The following PDE3A variants were observed in gnomAD, a reference collection of about 807,000 sequenced individuals.
PDE3A encodes cGMP-inhibited 3',5'-cyclic phosphodiesterase 3A.
PDE3A carries 43 observed loss-of-function variants against 98.3 expected under a neutral mutation model. The ratio of observed to expected loss-of-function variants is 0.44; its 90% CI spans 0.34 to 0.56. The LOEUF (loss-of-function observed/expected upper bound fraction) is 0.56. Ranked by LOEUF, PDE3A falls within the 20% of genes least tolerant of loss-of-function variation. The probability of loss-of-function intolerance (pLI) is 0.01; values close to 1 mark genes in which losing one functional copy is unlikely to be tolerated. For missense variants in PDE3A, 1,427 were observed against 1,440.7 expected, an observed-to-expected ratio of 0.99 and a Z score of 0.15; for synonymous variants, 663 against 567.9, an observed-to-expected ratio of 1.17 and a Z score of -2.38.
At chr12:20,586,539 A>G (rs748119183) in intron 2 of PDE3A, among the ~76,000 whole-genome samples, 1 of 152,194 alleles carries the variant, frequency 6.6e-6, no homozygotes, top group Non-Finnish European at 1.5e-5. Context: ...AACTTATAGG[A>G]TGAATGAATT....
At chr12:20,418,883 A>G (rs537647108) in intron 1 of PDE3A, among the ~76,000 whole-genome samples, 1 of 152,154 alleles carries the variant, frequency 6.6e-6, no homozygotes, top group East Asian at 1.9e-4. Flanking sequence ...GTCTGTAGAA[A>G]TTACTTCTAT....
At chr12:20,623,691 A>G in intron 5 of PDE3A, among the ~76,000 whole-genome samples, 1 of 150,834 alleles carries the variant, frequency 6.6e-6, no homozygotes. Flanking sequence ...TATATGATGG[A>G]TATATTCTAG....
chr12:20,411,176 A>C (rs922680361), intron 1 of PDE3A, among the ~76,000 whole-genome samples: 4 of 152,208 alleles, frequency 2.6e-5, no homozygotes, highest in African/African-American at 9.6e-5. Flanking sequence ...GGTCATTTTT[A>C]AGTGCACATT....
chr12:20,552,726 G>A lies in PDE3A; in HGVS notation c.961-3934G>A. On this transcript the variant is annotated intron_variant, in intron 1 of 15. Coordinates refer to ENST00000359062, the MANE Select transcript of PDE3A (RefSeq NM_000921.5). The surrounding 1 kb of genome is among the most constrained non-coding windows in gnomAD (Gnocchi z 5.1). ...CCAAGCTGTGGAATGAGGTCCTGGC[G>A]TCACTCAAGGACCGGCCGGCGAGCG... 1.2e-6 allele frequency: 2 copies of A among 1,614,064 alleles called. No individual in the cohort carries two copies. The highest frequency in any genetic ancestry group is 1.7e-6 in the Non-Finnish European group (2 of 1,179,904).
chr12:20,618,899 G>A lies in PDE3A; in HGVS notation c.1425-2397G>A, dbSNP rs540704617. Among the ~76,000 whole-genome samples, 11 of 152,148 alleles carry A rather than the reference G, an allele frequency of 7.2e-5. No individual in the cohort carries two copies. In the South Asian group the frequency reaches 8.3e-4, roughly 11 times the overall value. On this transcript the variant is annotated intron_variant, in intron 4 of 15. Transcript: ENST00000359062. ...TAAGGACTTAGAATGGAGTCATTAC[G>A]GGGATAATAAGAGCATAAGACCACC...
intron 1 of PDE3A, among the ~76,000 whole-genome samples, chr12:20,375,502 G>A (rs1318240047): frequency 6.6e-6 from 1 of 151,854 alleles, no homozygotes; most frequent in Non-Finnish European, 1.5e-5. Context: ...AGGAAGATGT[G>A]TTGTATGACA....
At chr12:20,653,166 G>T (rs1292669932) in intron 14 of PDE3A, among the ~76,000 whole-genome samples, 2 of 151,882 alleles carry the variant, frequency 1.3e-5, no homozygotes, top group East Asian at 3.9e-4. Context: ...TAAAACATTT[G>T]TACAGTAATA....
intron 1 of PDE3A, among the ~76,000 whole-genome samples, chr12:20,512,305 T>G (rs1161228764): frequency 6.6e-6 from 1 of 152,110 alleles, no homozygotes; most frequent in Non-Finnish European, 1.5e-5. Flanking sequence ...AAAAGTCTTC[T>G]GTAAAAAGCC....
rs77575794 is a variant in PDE3A at position 20,627,472 on chromosome 12, C to T, written c.1541-2436C>T. Among the ~76,000 whole-genome samples the T allele has an allele frequency of 9.6e-3, 1,461 of 152,114 alleles. 26 individuals carry two copies. Among genetic ancestry groups the T allele is most frequent in the African/African-American group, 0.034 (1,398 of 41,492 alleles). ...CCTCCTGACTGCTCCTCTGACATCC[C>T]CCAGGTATGTCCCTCTTTCCTGAAC... On this transcript the variant is annotated intron_variant, in intron 5 of 15. Coordinates refer to ENST00000359062, the MANE Select transcript of PDE3A (RefSeq NM_000921.5).
chr12:20,422,325 C>T (rs1007605039), intron 1 of PDE3A, among the ~76,000 whole-genome samples: 2 of 151,326 alleles, frequency 1.3e-5, no homozygotes, highest in South Asian at 2.1e-4. Context: ...GCCTGGGCAA[C>T]AGAGCGAGAC....
At chr12:20,539,115 G>A (rs951381909) in intron 1 of PDE3A, among the ~76,000 whole-genome samples, 6 of 152,138 alleles carry the variant, frequency 3.9e-5, no homozygotes, top group East Asian at 1.9e-4. Context: ...AGCAAGTACC[G>A]GTTGAGAATC....
At chr12:20,573,605 C>T (rs535951939) in intron 2 of PDE3A, among the ~76,000 whole-genome samples, 42 of 152,158 alleles carry the variant, frequency 2.8e-4, no homozygotes, top group Non-Finnish European at 5.3e-4. Flanking sequence ...CCACTTTCGT[C>T]TCTTCTGTGC....
chr12:20,515,609 C>T (rs1946305123), intron 1 of PDE3A, among the ~76,000 whole-genome samples: 1 of 152,194 alleles, frequency 6.6e-6, no homozygotes, highest in African/African-American at 2.4e-5. Context: ...TGACCTTCCA[C>T]TGGACACGTG....
rs1436918050 is a variant in PDE3A at position 20,681,936 on chromosome 12, TAA to T, written c.*1667_*1668del. ...AAAAAGGAAAAGGGAAACATTTTTATAAAGTTATATTTTAATCACCATTTTTA... is the reference window on the plus strand; with the variant it reads ...AAAAAGGAAAAGGGAAACATTTTTATAGTTATATTTTAATCACCATTTTTA... On this transcript the variant is annotated 3_prime_UTR_variant, in exon 16 of 16. Coordinates refer to ENST00000359062, the MANE Select transcript of PDE3A (RefSeq NM_000921.5). 6.6e-6 allele frequency: 1 copy of T among 152,202 alleles called. No individual in the cohort carries two copies. The highest frequency in any genetic ancestry group is 1.5e-5 in the Non-Finnish European group (1 of 68,042). The allele number at this position is 152,202 out of a possible 1,614,324, so 9.4% of individuals were successfully genotyped here.
intron 2 of PDE3A, among the ~76,000 whole-genome samples, chr12:20,562,833 C>A (rs1362470167): frequency 6.6e-6 from 1 of 152,102 alleles, no homozygotes; most frequent in Non-Finnish European, 1.5e-5. Flanking sequence ...TGATTGAAGT[C>A]TTTCTTTAGA....
intron 1 of PDE3A, among the ~76,000 whole-genome samples, chr12:20,460,085 G>A (rs1183355735): frequency 6.6e-6 from 1 of 152,176 alleles, no homozygotes; most frequent in Non-Finnish European, 1.5e-5. Flanking sequence ...GTGGCTGTCA[G>A]TAGCCCCCTG....
At chr12:20,662,434 T>A (rs1945197509) in intron 15 of PDE3A, among the ~76,000 whole-genome samples, 1 of 152,204 alleles carries the variant, frequency 6.6e-6, no homozygotes, top group Admixed American at 6.5e-5. Context: ...CATTTTGACC[T>A]GGATGTGAGA....
At chr12:20,667,117 G>A (rs927110707) in intron 15 of PDE3A, among the ~76,000 whole-genome samples, 1 of 152,022 alleles carries the variant, frequency 6.6e-6, no homozygotes, top group Non-Finnish European at 1.5e-5. Flanking sequence ...CTTTTTAATA[G>A]AATTTTTTTG....
chr12:20,521,065 G>A (rs952084288), intron 1 of PDE3A, among the ~76,000 whole-genome samples: 2 of 151,674 alleles, frequency 1.3e-5, no homozygotes, highest in African/African-American at 2.4e-5. Flanking sequence ...AGTGCCATTC[G>A]TTTTATTTGT....
Sources: allele counts gnomAD v4.1 joint callset (sites outside exome capture counted in the v4.1 genomes callset), GRCh38; gene constraint gnomAD v4.1.1; non-coding constraint Gnocchi (gnomAD v3.1); transcripts MANE v1.5; gene names NCBI Gene and HGNC (gene_info 2026-07-23, HGNC 2026-07-21).